MCTP2: variants seen among roughly 807,000 people sequenced by gnomAD.
MCTP2 encodes multiple C2 and transmembrane domain containing 2.
A neutral mutation model predicts 111.6 loss-of-function variants in MCTP2; 132 were observed. That is an observed-to-expected ratio of 1.18 (90% CI 1.03 to 1.37). The LOEUF is 1.37. Ranked by LOEUF, MCTP2 falls within the 40% of genes most tolerant of loss-of-function variation. The pLI is 0.00. For synonymous variants in MCTP2, 395 were observed against 387.7 expected (o/e 1.02, Z -0.22); for missense variants, 1,183 against 1,067.9 (o/e 1.11, Z -1.50).
chr15:94,370,390 G>T (rs2079420414), intron 12 of MCTP2, among the ~76,000 whole-genome samples: 1 of 152,152 alleles, frequency 6.6e-6, no homozygotes, highest in South Asian at 2.1e-4. Flanking sequence ...ATGATTTTAT[G>T]CTGATTCAGT....
At chr15:94,239,421 G>A (rs1003220438) in intron 1 of MCTP2, among the ~76,000 whole-genome samples, 2 of 152,198 alleles carry the variant, frequency 1.3e-5, no homozygotes, top group Non-Finnish European at 2.9e-5. Context: ...GACAACATCT[G>A]TTGGGTAGAA....
intron 1 of MCTP2, among the ~76,000 whole-genome samples, chr15:94,249,774 C>A (rs1596177674): frequency 6.6e-6 from 1 of 152,058 alleles, no homozygotes; most frequent in South Asian, 2.1e-4. Context: ...CATGAGCCAC[C>A]GTGCCTGGCC....
chr15:94,325,326 G>A lies in MCTP2; in HGVS notation c.637+9689G>A, dbSNP rs540313503. On this transcript the variant is annotated intron_variant, in intron 4 of 22. Transcript: ENST00000357742. ...CAGTCATATGCAATAAACATTAGCT[G>A]TTACTATTGCCGTGTGAATTGTCAT... Among the ~76,000 whole-genome samples the A allele has an allele frequency of 3.0e-4, 45 of 152,276 alleles. 1 individual carries two copies. The South Asian group carries it at 8.5e-3, about 29-fold the overall frequency.
chr15:94,249,399 AT>A (rs1567273362), intron 1 of MCTP2, among the ~76,000 whole-genome samples: 1 of 152,082 alleles, frequency 6.6e-6, no homozygotes, highest in Non-Finnish European at 1.5e-5. Context: ...GGAGATGGTA[AT>A]ACCAGCCTAG....
At chr15:94,274,423 C>A (rs1197439390) in intron 1 of MCTP2, among the ~76,000 whole-genome samples, 1 of 151,114 alleles carries the variant, frequency 6.6e-6, no homozygotes, top group Non-Finnish European at 1.5e-5. Flanking sequence ...AGTCAAAAAC[C>A]AAAATTAATA....
At chr15:94,300,509 C>A (rs79038773) in intron 2 of MCTP2, among the ~76,000 whole-genome samples, 2,606 of 125,654 alleles carry the variant, frequency 0.021, no homozygotes, top group Admixed American at 0.023. Context: ...GACTCTGTCT[C>A]AAAAAAAAAA....
rs376103147 is a variant in MCTP2 at position 94,439,610 on chromosome 15, G to C, written c.2086-566G>C. Among the ~76,000 whole-genome samples, 5 of 152,240 alleles carry C rather than the reference G, an allele frequency of 3.3e-5. No individual in the cohort carries two copies. In the East Asian group the frequency reaches 9.7e-4, roughly 29 times the overall value. On this transcript the variant is annotated intron_variant, in intron 17 of 22. Coordinates refer to ENST00000357742, the MANE Select transcript of MCTP2 (RefSeq NM_001385001.1). ...ATTCTCACTTGCCTTTCTATGTGAG[G>C]AGTCACAAATTTCAGAGGTTGACAG...
At chr15:94,409,824 G>A (rs905694177) in intron 17 of MCTP2, among the ~76,000 whole-genome samples, 1 of 151,264 alleles carries the variant, frequency 6.6e-6, no homozygotes, top group African/African-American at 2.4e-5. Context: ...CTGAGCACTC[G>A]TAAGTCTATC....
intron 1 of MCTP2, among the ~76,000 whole-genome samples, chr15:94,239,383 AATT>A (rs1264245890): frequency 6.6e-6 from 1 of 152,184 alleles, no homozygotes; most frequent in African/African-American, 2.4e-5. Flanking sequence ...CTGCAGGCTC[AATT>A]ATTATTTTCA....
At chr15:94,314,746 T>G (rs2076303493) in intron 3 of MCTP2, 1 of 461,488 alleles carries the variant, frequency 2.2e-6, no homozygotes, top group Admixed American at 2.3e-5. Flanking sequence ...AAGTTTGAAA[T>G]GACTCAAAAA....
At chr15:94,387,217 G>T (rs1351897367) in intron 14 of MCTP2, among the ~76,000 whole-genome samples, 1 of 151,166 alleles carries the variant, frequency 6.6e-6, no homozygotes, top group Non-Finnish European at 1.5e-5. Context: ...GCTTAATCAG[G>T]GTTTCTCAGT....
intron 1 of MCTP2, among the ~76,000 whole-genome samples, chr15:94,267,869 C>CTTTTTTCTT (rs1555443742): frequency 1.3e-5 from 1 of 77,454 alleles, no homozygotes; most frequent in Non-Finnish European, 2.2e-5. Flanking sequence ...CCTTTTCTTT[C>CTTTTTTCTT]TTTTTTTTTT....
intron 8 of MCTP2, among the ~76,000 whole-genome samples, chr15:94,349,342 C>T (rs1353453531): frequency 1.3e-5 from 2 of 152,200 alleles, no homozygotes; most frequent in African/African-American, 4.8e-5. Flanking sequence ...ATGTTTGACT[C>T]AGTTTGCCCC....
intron 4 of MCTP2, among the ~76,000 whole-genome samples, chr15:94,330,714 A>T (rs969713148): frequency 6.7e-6 from 1 of 149,812 alleles, no homozygotes; most frequent in East Asian, 1.9e-4. Flanking sequence ...AAGAATAGAG[A>T]TGCAGGCATA....
At chr15:94,450,118 A>T (rs1040272751) in intron 19 of MCTP2, among the ~76,000 whole-genome samples, 2 of 152,152 alleles carry the variant, frequency 1.3e-5, no homozygotes, top group Non-Finnish European at 1.5e-5. Flanking sequence ...CAGGCCACAA[A>T]AAAAAGTGTT....
At chr15:94,379,825 A>G (rs945323193) in intron 12 of MCTP2, among the ~76,000 whole-genome samples, 6 of 141,982 alleles carry the variant, frequency 4.2e-5, no homozygotes, top group Admixed American at 1.4e-4. Flanking sequence ...ACATAATTAT[A>G]TATGACATAT....
intron 1 of MCTP2, among the ~76,000 whole-genome samples, chr15:94,262,637 C>T (rs2073253008): frequency 6.6e-6 from 1 of 150,716 alleles, no homozygotes; most frequent in Non-Finnish European, 1.5e-5. Flanking sequence ...ATATAACTCT[C>T]TATGGAAAAA....
intron 8 of MCTP2, among the ~76,000 whole-genome samples, chr15:94,355,153 A>G (rs189430257): frequency 6.6e-6 from 1 of 152,216 alleles, no homozygotes; most frequent in East Asian, 1.9e-4. Context: ...GTGAATATGC[A>G]CTGTGTATTT....
intron 1 of MCTP2, among the ~76,000 whole-genome samples, chr15:94,243,787 G>A (rs778449385): frequency 1.4e-5 from 2 of 145,140 alleles, no homozygotes; most frequent in African/African-American, 2.5e-5. Flanking sequence ...ACATATATAT[G>A]TATATACACA....
Sources: gnomAD v4.1 joint callset for allele counts (sites outside exome capture counted in the v4.1 genomes callset) on GRCh38, gnomAD v4.1.1 for gene constraint, MANE v1.5 for transcripts, NCBI Gene and HGNC (gene_info 2026-07-23, HGNC 2026-07-21) for gene names.